Variants in SLIT3 observed in about 807,000 individuals in gnomAD.
SLIT3 encodes the protein slit homolog 3 protein.
A neutral mutation model predicts 184.0 loss-of-function variants in SLIT3; 68 were observed. The ratio of observed to expected loss-of-function variants is 0.37; its 90% confidence interval spans 0.30 to 0.45. The LOEUF is 0.45. Ranked by LOEUF, SLIT3 falls within the 20% of genes least tolerant of loss-of-function variation. The pLI, the probability that SLIT3 is intolerant of heterozygous loss-of-function variation, is 1.00. For missense variants in SLIT3, 1,707 were observed against 2,026.0 expected, an observed-to-expected ratio of 0.84 and a Z score of 3.02; for synonymous variants, 831 against 828.6, an observed-to-expected ratio of 1.00 and a Z score of -0.05.
rs949654433 is a variant in SLIT3 at position 168,836,316 on chromosome 5, G to T, written c.557+8268C>A. Among the ~76,000 whole-genome samples, 3 of 152,176 alleles carry T rather than the reference G, an allele frequency of 2.0e-5. No homozygotes were observed. The South Asian group carries it at 6.2e-4, about 32-fold the overall frequency. ...GTCATGGGATGAGCGCTGATCTAGAGGCAAGTTATTCACTAAACATTCTCA... is the reference window on the plus strand; with the variant it reads ...GTCATGGGATGAGCGCTGATCTAGATGCAAGTTATTCACTAAACATTCTCA... On this transcript the variant is annotated intron_variant, in intron 6 of 35. Transcript: ENST00000519560.
chr5:169,154,294 T>TCTTTTC (rs1204092049), intron 4 of SLIT3, among the ~76,000 whole-genome samples: 21 of 152,334 alleles, frequency 1.4e-4, no homozygotes, highest in African/African-American at 4.1e-4. Flanking sequence ...CTGGGTAACA[T>TCTTTTC]AGACTCTTAA....
chr5:168,897,665 C>CACACACACACACACACAT (rs1375341337), intron 4 of SLIT3, among the ~76,000 whole-genome samples: 7 of 123,312 alleles, frequency 5.7e-5, no homozygotes, highest in Admixed American at 8.6e-5. Context: ...CACACACACA[C>CACACACACACACACACAT]ACACACACAC....
At chr5:168,807,907 G>A (rs559090492) in intron 8 of SLIT3, among the ~76,000 whole-genome samples, 44 of 152,262 alleles carry the variant, frequency 2.9e-4, no homozygotes, top group Non-Finnish European at 5.1e-4. Context: ...GCGTTCAATA[G>A]TCCTCGTGGC....
rs950047855 is a variant in SLIT3, at chr5:168,772,764, C to T, written c.1459+17G>A. ...TTCTGAGTCAGAAAGCGGGGCCCAG[C>T]CCCGTAACCTGATTACCTGAGCAGC... On this transcript the variant is annotated intron_variant, in intron 14 of 35. Coordinates refer to ENST00000519560, the MANE Select transcript of SLIT3 (RefSeq NM_003062.4). 3.7e-6 allele frequency: 6 copies of T among 1,613,940 alleles called. No homozygotes were observed. The Admixed American group carries it at 5.0e-5, about 13-fold the overall frequency.
chr5:169,148,662 A>G (rs1762014056), intron 4 of SLIT3, among the ~76,000 whole-genome samples: 1 of 152,054 alleles, frequency 6.6e-6, no homozygotes, highest in African/African-American at 2.4e-5. Flanking sequence ...ACAATCCCTG[A>G]CCTCGGTTAT....
At chr5:168,841,013 G>A (rs1478518017) in intron 6 of SLIT3, among the ~76,000 whole-genome samples, 6 of 152,216 alleles carry the variant, frequency 3.9e-5, no homozygotes, top group Non-Finnish European at 7.3e-5. Flanking sequence ...AATTTCACAA[G>A]CCTGTGAAAG....
intron 3 of SLIT3, among the ~76,000 whole-genome samples, chr5:169,208,080 G>GA (rs1230600008): frequency 6.6e-6 from 1 of 151,666 alleles, no homozygotes; most frequent in South Asian, 2.1e-4. Context: ...AAACAGGGAA[G>GA]AAAAAAAAGA....
chr5:169,140,003 A>C (rs1761664375), intron 4 of SLIT3, among the ~76,000 whole-genome samples: 1 of 152,140 alleles, frequency 6.6e-6, no homozygotes, highest in Non-Finnish European at 1.5e-5. Flanking sequence ...CACCTCTCCA[A>C]GGCCTTCATC....
chr5:168,718,839 C>G (rs1762847223), intron 23 of SLIT3, among the ~76,000 whole-genome samples: 1 of 152,166 alleles, frequency 6.6e-6, no homozygotes, highest in Non-Finnish European at 1.5e-5. Context: ...CCTTGATGCT[C>G]ATTCTTCTTG....
chr5:169,080,062 T>C (rs1758964994), intron 4 of SLIT3, among the ~76,000 whole-genome samples: 2 of 150,608 alleles, frequency 1.3e-5, no homozygotes. Context: ...AGAGATGGGC[T>C]CAACTCCAAT....
In SLIT3 at chr5:169,038,959, T is replaced by G. The variant is rs905722042; in HGVS notation, c.413+154520A>C. On this transcript the variant is annotated intron_variant, in intron 4 of 35. Coordinates refer to ENST00000519560, the MANE Select transcript of SLIT3 (RefSeq NM_003062.4). ...GAACTTCTAGGAAAAGTTTACTCCC[T>G]CCTAAGAAAAAAGCATGGAGAAAAG... is the stretch of plus-strand genomic sequence containing the variant. Among the ~76,000 whole-genome samples the G allele has an allele frequency of 2.6e-5, 4 of 152,198 alleles. No individual in the cohort carries two copies. In the East Asian group the frequency reaches 5.8e-4, roughly 22 times the overall value.
chr5:168,698,771 C>T (rs954308370), intron 27 of SLIT3, among the ~76,000 whole-genome samples: 3 of 152,194 alleles, frequency 2.0e-5, no homozygotes, highest in Non-Finnish European at 4.4e-5. Context: ...CATACGAGCT[C>T]TCCCATCCCT....
At chr5:169,247,584 G>A (rs1157040261) in intron 2 of SLIT3, among the ~76,000 whole-genome samples, 3 of 152,202 alleles carry the variant, frequency 2.0e-5, no homozygotes, top group African/African-American at 7.2e-5. Context: ...TAGAAGAGAT[G>A]CAAGGATATC....
At chr5:168,899,236 C>A in intron 4 of SLIT3, among the ~76,000 whole-genome samples, 1 of 152,146 alleles carries the variant, frequency 6.6e-6, no homozygotes, top group East Asian at 1.9e-4. Context: ...AAAAAGTGGG[C>A]TGGATCTGGT....
At chr5:169,298,619 A>G (rs1767588577) in intron 1 of SLIT3, among the ~76,000 whole-genome samples, 2 of 152,208 alleles carry the variant, frequency 1.3e-5, no homozygotes, top group South Asian at 4.1e-4. Flanking sequence ...TCTAAGATCC[A>G]AGCCCAGCCA....
At chr5:168,909,045 A>G (rs1488946163) in intron 4 of SLIT3, among the ~76,000 whole-genome samples, 1 of 152,188 alleles carries the variant, frequency 6.6e-6, no homozygotes, top group East Asian at 1.9e-4. Flanking sequence ...ATTTTCTCCA[A>G]ATAGAACAAC....
At chr5:169,270,312 G>T (rs768423706) in intron 1 of SLIT3, among the ~76,000 whole-genome samples, 6 of 152,098 alleles carry the variant, frequency 3.9e-5, no homozygotes, top group Non-Finnish European at 7.4e-5. Context: ...CCATATCCCC[G>T]CACACCAAGA....
chr5:169,211,215 C>T (rs1764255048), intron 3 of SLIT3, among the ~76,000 whole-genome samples: 1 of 151,988 alleles, frequency 6.6e-6, no homozygotes, highest in South Asian at 2.1e-4. Context: ...TTTTTGTAAG[C>T]CGCTGAGATT....
intron 4 of SLIT3, among the ~76,000 whole-genome samples, chr5:169,100,269 C>T (rs181816416): frequency 7.2e-5 from 11 of 152,162 alleles, no homozygotes; most frequent in African/African-American, 1.2e-4. Context: ...ATGAGTCAGA[C>T]GGGAAGGAGA....
Sources: gnomAD v4.1 joint callset for allele counts (sites outside exome capture counted in the v4.1 genomes callset) on GRCh38, gnomAD v4.1.1 for gene constraint, MANE v1.5 for transcripts, NCBI Gene and HGNC (gene_info 2026-07-23, HGNC 2026-07-21) for gene names.